DLC1: variants seen among roughly 807,000 people sequenced by gnomAD.
DLC1 encodes DLC1 Rho GTPase activating protein.
Under a neutral mutation model 140.3 loss-of-function variants are expected in DLC1, and 54 were observed. The observed-to-expected ratio is 0.38, with a 90% CI of 0.31 to 0.48. The LOEUF is 0.48. DLC1 is among the 20% of genes least tolerant of loss of function. DLC1 has a pLI of 0.96. For synonymous variants in DLC1, 986 were observed against 728.1 expected, an observed-to-expected ratio of 1.35 and a Z score of -5.70; for missense variants, 2,536 against 1,907.0, an observed-to-expected ratio of 1.33 and a Z score of -6.14.
rs1262541779 is a variant in DLC1 at position 13,205,121 on chromosome 8, A to G, written c.1349-89464T>C. 2.0e-5 allele frequency among the ~76,000 whole-genome samples: 3 copies of G among 152,108 alleles called. 1 individual carries two copies. Among genetic ancestry groups the G allele is most frequent in the East Asian group, 3.9e-4 (2 of 5,192 alleles). On this transcript the variant is annotated intron_variant, in intron 5 of 17. Transcript: ENST00000276297. ...GAAAAAAAAAATGCCAAAAAACTAC[A>G]TTGCAAGTTTTCATTTTAGATAGGA...
chr8:13,529,759 G>C (rs951231425), intron 1 of DLC1, among the ~76,000 whole-genome samples: 4 of 152,220 alleles, frequency 2.6e-5, no homozygotes, highest in South Asian at 4.1e-4. Context: ...AGAAATCAAT[G>C]GGGAAGTCAC....
Position 13,155,330 on chromosome 8 carries a change from C to T in DLC1, c.1349-39673G>A, listed in dbSNP as rs146713970. 1.8e-3 allele frequency among the ~76,000 whole-genome samples: 273 copies of T among 149,794 alleles called. 2 individuals are homozygous for T. Among genetic ancestry groups the T allele is most frequent in the African/African-American group, 6.5e-3 (264 of 40,930 alleles). ...GTGCCTGTAGGTTTTTTATGGTGAGCACATGACAAAACCACCTCCACCAAA... is the reference window on the plus strand; with the variant it reads ...GTGCCTGTAGGTTTTTTATGGTGAGTACATGACAAAACCACCTCCACCAAA... On this transcript the variant is annotated intron_variant, in intron 5 of 17. Transcript: ENST00000276297.
intron 1 of DLC1, among the ~76,000 whole-genome samples, chr8:13,581,725 C>G (rs1265855038): frequency 2.6e-5 from 4 of 152,192 alleles, no homozygotes; most frequent in Non-Finnish European, 5.9e-5. Context: ...TGGGCAGAAT[C>G]TATTCTATCG....
At chr8:13,344,307 A>C (rs1318910043) in intron 4 of DLC1, among the ~76,000 whole-genome samples, 1 of 152,134 alleles carries the variant, frequency 6.6e-6, no homozygotes, top group Non-Finnish European at 1.5e-5. Context: ...CAGCCTGACC[A>C]ACATGGTGAA....
chr8:13,273,135 C>T (rs1056086837), intron 5 of DLC1, among the ~76,000 whole-genome samples: 5 of 152,132 alleles, frequency 3.3e-5, no homozygotes, highest in Non-Finnish European at 4.4e-5. Context: ...TCCGTGGGCA[C>T]AAAAGCAGGC....
intron 5 of DLC1, among the ~76,000 whole-genome samples, chr8:13,274,540 CTAAG>C (rs1297203385): frequency 6.6e-6 from 1 of 152,164 alleles, no homozygotes; most frequent in Non-Finnish European, 1.5e-5. Context: ...CTGTTTTTCT[CTAAG>C]TGTTTTCATT....
At chr8:13,111,460 T>C (rs1218250579) in intron 6 of DLC1, among the ~76,000 whole-genome samples, 3 of 152,154 alleles carry the variant, frequency 2.0e-5, no homozygotes, top group African/African-American at 7.2e-5. Context: ...CTCAAATCCT[T>C]TAATCTGTAG....
In DLC1 at chr8:13,263,772, T is replaced by C. The variant is rs765661365; in HGVS notation, c.1348+41497A>G. Among the ~76,000 whole-genome samples, 4 of 151,800 alleles carry C rather than the reference T, an allele frequency of 2.6e-5. No individual in the cohort carries two copies. The South Asian group carries it at 8.3e-4, about 31-fold the overall frequency. ...ATTTGAAAAATTATTTTTTCTATAA[T>C]GATTAGCATTCTAATATACCATTGG... is the stretch of plus-strand genomic sequence containing the variant. On this transcript the variant is annotated intron_variant, in intron 5 of 17. Coordinates refer to ENST00000276297, the MANE Select transcript of DLC1 (RefSeq NM_182643.3).
intron 7 of DLC1, among the ~76,000 whole-genome samples, chr8:13,110,008 C>T (rs534986203): frequency 6.6e-6 from 1 of 152,122 alleles, no homozygotes; most frequent in African/African-American, 2.4e-5. Flanking sequence ...TAATTTTTTT[C>T]CCCCAGAATT....
intron 5 of DLC1, among the ~76,000 whole-genome samples, chr8:13,266,162 A>C (rs1468833703): frequency 1.3e-5 from 2 of 152,270 alleles, no homozygotes; most frequent in Non-Finnish European, 2.9e-5. Context: ...ACTCTTGTAC[A>C]TAAATTGGAA....
intron 1 of DLC1, among the ~76,000 whole-genome samples, chr8:13,550,865 T>C (rs1168129759): frequency 6.6e-6 from 1 of 152,136 alleles, no homozygotes; most frequent in Non-Finnish European, 1.5e-5. Flanking sequence ...TAGCCCTTAA[T>C]GGTGCTATTA....
At chr8:13,399,979 G>T (rs1238005396) in intron 3 of DLC1, among the ~76,000 whole-genome samples, 1 of 152,088 alleles carries the variant, frequency 6.6e-6, no homozygotes, top group African/African-American at 2.4e-5. Context: ...CTCCTTGGTA[G>T]ATGGTCCAGG....
chr8:13,249,081 T>G (rs1040589586), intron 5 of DLC1, among the ~76,000 whole-genome samples: 1 of 152,048 alleles, frequency 6.6e-6, no homozygotes, highest in African/African-American at 2.4e-5. Flanking sequence ...TTCGTTTTTC[T>G]TTTTTTTCCT....
intron 2 of DLC1, among the ~76,000 whole-genome samples, chr8:13,469,413 C>T (rs574424669): frequency 1.2e-4 from 18 of 152,232 alleles, no homozygotes; most frequent in African/African-American, 3.9e-4. Flanking sequence ...TGAGTCATAG[C>T]TGTAACTGAA....
At chr8:13,575,748 G>GT (rs1373622464) in intron 1 of DLC1, among the ~76,000 whole-genome samples, 1 of 152,198 alleles carries the variant, frequency 6.6e-6, no homozygotes, top group Non-Finnish European at 1.5e-5. Flanking sequence ...GGCAGTGAAA[G>GT]TTCACTGAAC....
intron 4 of DLC1, among the ~76,000 whole-genome samples, chr8:13,314,228 C>T (rs1832782845): frequency 8.1e-6 from 1 of 122,730 alleles, no homozygotes; most frequent in Non-Finnish European, 1.8e-5. Context: ...ACATATATTA[C>T]ACATATATTT....
chr8:13,480,370 T>C (rs1800670651), intron 2 of DLC1, among the ~76,000 whole-genome samples: 1 of 152,078 alleles, frequency 6.6e-6, no homozygotes, highest in Non-Finnish European at 1.5e-5. Flanking sequence ...ATGCATAACA[T>C]AGAAAACAGG....
chr8:13,137,603 G>GTGTTTTTTT (rs372753052), intron 5 of DLC1, among the ~76,000 whole-genome samples: 1 of 134,374 alleles, frequency 7.4e-6, no homozygotes. Context: ...TTTTGGTTTT[G>GTGTTTTTTT]TTTTTTTTTT....
chr8:13,566,989 G>C, intron 1 of DLC1: 3 of 1,541,918 alleles, frequency 1.9e-6, no homozygotes, highest in Non-Finnish European at 2.6e-6. Flanking sequence ...CTGATGCATT[G>C]TGATGGCCAT....
Sources: gnomAD v4.1 joint callset for allele counts (sites outside exome capture counted in the v4.1 genomes callset) on GRCh38, gnomAD v4.1.1 for gene constraint, MANE v1.5 for transcripts, NCBI Gene and HGNC (gene_info 2026-07-23, HGNC 2026-07-21) for gene names.